Variants in GORASP1 observed in about 807,000 individuals in gnomAD.
GORASP1 encodes Golgi reassembly-stacking protein 1.
Under a neutral mutation model 37.7 loss-of-function variants are expected in GORASP1, and 31 were observed. The ratio of observed to expected loss-of-function variants is 0.82; its 90% confidence interval spans 0.62 to 1.11. The LOEUF (loss-of-function observed/expected upper bound fraction) is 1.11. GORASP1 is among the 50% of genes least tolerant of loss of function. The pLI is 0.00. For synonymous variants in GORASP1, 204 were observed against 224.8 expected, an observed-to-expected ratio of 0.91 and a Z score of 0.83; for missense variants, 476 against 560.7, an observed-to-expected ratio of 0.85 and a Z score of 1.53.
rs2035503631 is a variant in GORASP1, at chr3:39,098,760, G to C, written c.1050C>G (p.Ser350Arg). 6.2e-7 allele frequency: 1 copy of C among 1,613,964 alleles called. No homozygotes were observed. The highest frequency in any genetic ancestry group is 1.3e-5 in the African/African-American group (1 of 74,926). The change falls in exon 8 of 9, where the codon AGC becomes AGG. Residue 350 changes from serine (S) to arginine (R), a missense_variant. By Grantham distance (110) the Ser-to-Arg change is moderately radical (BLOSUM62 -1). Transcript: ENST00000319283. The surrounding 1 kb of genome is among the most constrained non-coding windows in gnomAD (Gnocchi z 4.7). The stretch of plus-strand genomic sequence containing the variant: ...ACTCACCACCCCGCTCATGAGAACT[G>C]CTGCTGGAGCAGATGTCCTCTGGCC... ...TSGPEDICSSSSSHERGGEAT... is the reference protein window; with the variant it reads ...TSGPEDICSSRSSHERGGEAT...
At position 39,102,968 on chromosome 3, in the gene GORASP1, G is replaced by T; in HGVS notation, c.145-87C>A. On this transcript the variant is annotated intron_variant, in intron 2 of 8. Transcript: ENST00000319283. This position sits in a 1 kb window ranked among gnomAD's most constrained non-coding sequence, Gnocchi z 5.0. ...AGTCTGGGCCTGAGATGGGGCAAGG[G>T]CCTTAGTGGGCAGCAGCCCTCAGCA... 1.6e-6 allele frequency: 2 copies of T among 1,233,958 alleles called. No individual in the cohort carries two copies. The highest frequency in any genetic ancestry group is 2.3e-5 in the East Asian group (1 of 43,104). The allele number at this position is 1,233,958 out of a possible 1,614,324, so 76.4% of individuals were successfully genotyped here.
intron 1 of GORASP1, among the ~76,000 whole-genome samples, chr3:39,104,209 G>A (rs954085952): frequency 3.3e-5 from 5 of 152,160 alleles, no homozygotes; most frequent in Admixed American, 3.3e-4. Context: ...CTGGACTGAG[G>A]AGCCCCCCAG....
At chr3:39,099,249 C>T (rs780370255) in intron 7 of GORASP1, 104 bp downstream of exon 7, 2 of 1,239,116 alleles carry the variant, frequency 1.6e-6, no homozygotes, top group East Asian at 4.6e-5. Flanking sequence ...TCTTGGTATA[C>T]ATGAGATATG....
intron 1 of GORASP1, among the ~76,000 whole-genome samples, chr3:39,104,906 G>C (rs531875715): frequency 6.6e-6 from 1 of 152,190 alleles, no homozygotes; most frequent in African/African-American, 2.4e-5. Flanking sequence ...GGGATCTTTC[G>C]AAAACCACAG....
Position 39,103,685 on chromosome 3 carries a change from G to A in GORASP1, c.64-132C>T. On this transcript the variant is annotated intron_variant, in intron 1 of 8. Coordinates refer to ENST00000319283, the MANE Select transcript of GORASP1 (RefSeq NM_031899.4). This position sits in a 1 kb window ranked among gnomAD's most constrained non-coding sequence, Gnocchi z 5.2. ...CACATGTCTGGCATGAACTGTTCCG[G>A]ACATTCTCAGGGTTCACTCCATGGC... 1 of 622,244 alleles carries A rather than the reference G, an allele frequency of 1.6e-6. No homozygotes were observed. The highest frequency in any genetic ancestry group is 2.7e-6 in the Non-Finnish European group (1 of 368,946). 38.5% of individuals were successfully genotyped at this position (622,244 alleles called of 1,614,324 possible).
In GORASP1 at chr3:39,104,860, G is replaced by A. The variant is rs374160489; in HGVS notation, c.64-1307C>T. Reference sequence around the variant, plus strand: ...GCTGCTCCCAGGCCCCGCTGCAGGGGAGCTCTGGGCCCTGCCCTCTAACCC... The same window carrying A: ...GCTGCTCCCAGGCCCCGCTGCAGGGAAGCTCTGGGCCCTGCCCTCTAACCC... On this transcript the variant is annotated intron_variant, in intron 1 of 8. Transcript: ENST00000319283. Among the ~76,000 whole-genome samples, 8 of 152,202 alleles carry A rather than the reference G, an allele frequency of 5.3e-5. No homozygotes were observed. The East Asian group carries it at 1.2e-3, about 22-fold the overall frequency.
rs528052068 is a variant in GORASP1, at chr3:39,101,376, G to T, written c.349-274C>A. 500 of 584,734 alleles carry T rather than the reference G, an allele frequency of 8.6e-4. 1 individual carries two copies. The African/African-American group carries it at 8.7e-3, about 10-fold the overall frequency. 36.2% of individuals were successfully genotyped at this position (584,734 alleles called of 1,614,324 possible). On this transcript the variant is annotated intron_variant, in intron 3 of 8. Transcript: ENST00000319283. ...CTCAACCCCTGGCTCCAGCTGCCCA[G>T]CTATATGACTATAAACACATTATTG...
rs1326095471 is a variant in GORASP1 at position 39,097,646 on chromosome 3, CCT to C, written c.*588_*589del. 6.6e-6 allele frequency: 1 copy of C among 152,414 alleles called. No homozygotes were observed. Among genetic ancestry groups the C allele is most frequent in the Non-Finnish European group, 1.5e-5 (1 of 68,312 alleles). The allele number at this position is 152,414 out of a possible 1,614,324, so 9.4% of individuals were successfully genotyped here. On this transcript the variant is annotated 3_prime_UTR_variant, in exon 9 of 9. Coordinates refer to ENST00000319283, the MANE Select transcript of GORASP1 (RefSeq NM_031899.4). ...GGATACAGGTCTGTGGCATGTAGTC[CCT>C]GAGGAAGAAGAAATATTGTGGTCTG...
intron 3 of GORASP1, 30 bp from the exon 4 acceptor site, chr3:39,101,132 T>G: frequency 6.2e-7 from 1 of 1,605,388 alleles, no homozygotes; most frequent in Non-Finnish European, 8.5e-7. Flanking sequence ...CCACTGGCCA[T>G]GCTACTAGAG....
At chr3:39,107,147 C>G (rs1372687676) in intron 1 of GORASP1, 1 of 523,460 alleles carries the variant, frequency 1.9e-6, no homozygotes, top group Non-Finnish European at 3.7e-6. Flanking sequence ...GCTAAGTGCA[C>G]GAGTGCGTCC....
Position 39,103,396 on chromosome 3 carries a change from T to G in GORASP1, c.144+77A>C, listed in dbSNP as rs2035841520. 2.5e-6 allele frequency: 3 copies of G among 1,210,680 alleles called. No individual in the cohort carries two copies. Among genetic ancestry groups the G allele is most frequent in the Non-Finnish European group, 3.5e-6 (3 of 847,406 alleles). 75.0% of individuals were successfully genotyped at this position (1,210,680 alleles called of 1,614,324 possible). On this transcript the variant is annotated intron_variant, in intron 2 of 8. Coordinates refer to ENST00000319283, the MANE Select transcript of GORASP1 (RefSeq NM_031899.4). This position sits in a 1 kb window ranked among gnomAD's most constrained non-coding sequence, Gnocchi z 5.2. ...GAAAAAAAGGGAGGGAAGGGTAGAC[T>G]GGGGCCCCCTGTGGGACAGATGAAG...
At position 39,105,754 on chromosome 3, in the gene GORASP1, G is replaced by A. The variant is rs1218755438; in HGVS notation, c.63+1725C>T. Reference sequence around the variant, plus strand: ...AACCTCCTGATGGTTTTACATCTCAGAATAAAATCTTAAATCTTCAGGACA... The same window carrying A: ...AACCTCCTGATGGTTTTACATCTCAAAATAAAATCTTAAATCTTCAGGACA... On this transcript the variant is annotated intron_variant, in intron 1 of 8. Coordinates refer to ENST00000319283, the MANE Select transcript of GORASP1 (RefSeq NM_031899.4). The surrounding 1 kb of genome is among the most constrained non-coding windows in gnomAD (Gnocchi z 5.4). 8.5e-5 allele frequency among the ~76,000 whole-genome samples: 13 copies of A among 152,182 alleles called. No homozygotes were observed. The highest frequency in any genetic ancestry group is 5.9e-5 in the Non-Finnish European group (4 of 68,030).
intron 3 of GORASP1, 94 bp from the exon 4 acceptor site, chr3:39,101,196 TG>T: frequency 9.5e-7 from 1 of 1,054,000 alleles, no homozygotes; most frequent in East Asian, 2.5e-5. Context: ...AGGTAGTGAG[TG>T]GGACACTTGT....
At position 39,100,070 on chromosome 3, in the gene GORASP1, A is replaced by G. The variant is rs2035596855; in HGVS notation, c.765+235T>C. Among the ~76,000 whole-genome samples, 1 of 152,216 alleles carries G rather than the reference A, an allele frequency of 6.6e-6. No homozygotes were observed. Among genetic ancestry groups the G allele is most frequent in the Non-Finnish European group, 1.5e-5 (1 of 68,026 alleles). On this transcript the variant is annotated intron_variant, in intron 6 of 8. Coordinates refer to ENST00000319283, the MANE Select transcript of GORASP1 (RefSeq NM_031899.4). This position sits in a 1 kb window ranked among gnomAD's most constrained non-coding sequence, Gnocchi z 4.6. ...ATCTCTGAGCCTCAGTTTCCCACTC[A>G]TGAAATGAAGATGACAACTGGTGCT...
chr3:39,099,796 A>G (rs1471850282), intron 6 of GORASP1, among the ~76,000 whole-genome samples: 2 of 152,216 alleles, frequency 1.3e-5, no homozygotes, highest in African/African-American at 2.4e-5. Context: ...TGCCCCATCA[A>G]TGACTCATTA....
intron 3 of GORASP1, chr3:39,101,531 T>G (rs1352658097): frequency 4.4e-6 from 2 of 458,050 alleles, no homozygotes; most frequent in South Asian, 3.1e-5. Context: ...GAGCACCCAC[T>G]ACATTGCTGC....
At position 39,098,297 on chromosome 3, in the gene GORASP1, A is replaced by G; in HGVS notation, c.1262T>C (p.Leu421Pro). The G allele has an allele frequency of 6.2e-7, 1 of 1,614,118 alleles. No homozygotes were observed. The highest frequency in any genetic ancestry group is 8.5e-7 in the Non-Finnish European group (1 of 1,180,014). The change falls in exon 9 of 9, where the codon CTA becomes CCA. Residue 421 changes from leucine to proline, a missense_variant. Coordinates refer to ENST00000319283, the MANE Select transcript of GORASP1 (RefSeq NM_031899.4). The surrounding 1 kb of genome is among the most constrained non-coding windows in gnomAD (Gnocchi z 4.7). ...AEEEPASTEG[L>P]DTGTEAEGLD... Reference sequence around the variant, plus strand: ...CCCCTCAGCCTCCGTCCCAGTATCTAGGCCCTCTGTGCTTGCTGGTTCCTC... The same window carrying G: ...CCCCTCAGCCTCCGTCCCAGTATCTGGGCCCTCTGTGCTTGCTGGTTCCTC...
At chr3:39,106,888 G>C (rs1021887652) in intron 1 of GORASP1, 12 of 289,154 alleles carry the variant, frequency 4.2e-5, no homozygotes, top group African/African-American at 2.7e-4. Flanking sequence ...AGCTGCAAAC[G>C]CTCTCCTCGA....
chr3:39,102,777 C>T lies in GORASP1; in HGVS notation c.249G>A (p.Glu83=). Residue 83 remains glutamate, a synonymous_variant, in exon 3 of 9, where the codon GAG becomes GAA. Transcript: ENST00000319283. The surrounding 1 kb of genome is among the most constrained non-coding windows in gnomAD (Gnocchi z 5.0). Reference sequence around the variant, plus strand: ...CGCCCCACATGTTGCTGGGCACCACCTCCACCTCGCGCACCCTCATGGTCT... The same window carrying T: ...CGCCCCACATGTTGCTGGGCACCACTTCCACCTCGCGCACCCTCATGGTCT... ...NMKTMRVREV[E]VVPSNMWGGQ... The T allele has an allele frequency of 6.2e-7, 1 of 1,614,226 alleles. No individual in the cohort carries two copies. The highest frequency in any genetic ancestry group is 8.5e-7 in the Non-Finnish European group (1 of 1,180,036).
Sources: gnomAD v4.1 joint callset for allele counts (sites outside exome capture counted in the v4.1 genomes callset) on GRCh38, gnomAD v4.1.1 for gene constraint, Gnocchi (gnomAD v3.1) non-coding constraint, MANE v1.5 for transcripts, NCBI Gene and HGNC (gene_info 2026-07-23, HGNC 2026-07-21) for gene names.